The following SH3KBP1 variants were observed in gnomAD, a reference collection of about 807,000 sequenced individuals.
The protein encoded by SH3KBP1 is SH3 domain containing kinase binding protein 1.
Under a neutral mutation model 50.1 loss-of-function variants are expected in SH3KBP1, and 8 were observed. The observed-to-expected ratio is 0.16, with a 90% CI of 0.09 to 0.29. SH3KBP1 has a LOEUF of 0.29. SH3KBP1 is among the 10% of genes least tolerant of loss of function. The probability of loss-of-function intolerance (pLI) is 1.00; values close to 1 mark genes in which losing one functional copy is unlikely to be tolerated. For missense variants in SH3KBP1, 377 were observed against 535.2 expected, an observed-to-expected ratio of 0.70 and a Z score of 2.92; for synonymous variants, 227 against 218.6, an observed-to-expected ratio of 1.04 and a Z score of -0.34.
chrX:19,677,516 C>T (rs1054954857), intron 6 of SH3KBP1, among the ~76,000 whole-genome samples: 1 of 111,737 alleles, frequency 8.9e-6, no homozygotes, highest in African/African-American at 3.3e-5. Context: ...ACTTATGTAT[C>T]CATCTGCCTG....
intron 6 of SH3KBP1, among the ~76,000 whole-genome samples, chrX:19,681,074 T>C (rs5955835): frequency 0.27 from 29,586 of 110,575 alleles, 4,398 homozygotes; most frequent in African/African-American, 0.56. Context: ...ATCAGCAGAA[T>C]GCATCCAGGT....
chrX:19,686,561 G>A (rs1024561442), intron 5 of SH3KBP1, among the ~76,000 whole-genome samples: 2 of 111,077 alleles, frequency 1.8e-5, no homozygotes, highest in Admixed American at 1.9e-4. Context: ...GGCTGGTGGT[G>A]GAGTCATCTA....
intron 4 of SH3KBP1, among the ~76,000 whole-genome samples, chrX:19,697,347 T>C (rs2063441778): frequency 8.9e-6 from 1 of 112,149 alleles, no homozygotes; most frequent in Admixed American, 9.4e-5. Context: ...ATTTTTTCTA[T>C]CCTGAAACTT....
At chrX:19,776,947 C>A (rs2147090210) in intron 2 of SH3KBP1, among the ~76,000 whole-genome samples, 1 of 110,538 alleles carries the variant, frequency 9.0e-6, no homozygotes, top group African/African-American at 3.3e-5. Context: ...TTAAACCAAA[C>A]CACCAACCGC....
chrX:19,877,956 T>C (rs1264363022), intron 1 of SH3KBP1, among the ~76,000 whole-genome samples: 1 of 112,098 alleles, frequency 8.9e-6, no homozygotes, highest in Non-Finnish European at 1.9e-5. Context: ...TCTGGTCTTT[T>C]CTTGCCAACT....
intron 2 of SH3KBP1, among the ~76,000 whole-genome samples, chrX:19,784,901 G>A (rs1211826206): frequency 2.7e-5 from 3 of 111,471 alleles, no homozygotes; most frequent in African/African-American, 3.3e-5. Context: ...GAGCCACCGC[G>A]CCCAGCCTGG....
intron 12 of SH3KBP1, among the ~76,000 whole-genome samples, chrX:19,575,452 C>T (rs2066170011): frequency 9.0e-6 from 1 of 110,588 alleles, no homozygotes; most frequent in Non-Finnish European, 1.9e-5. Flanking sequence ...GAAATAGGAA[C>T]TAATCATCCC....
chrX:19,652,496 T>C (rs1041396066), intron 6 of SH3KBP1, among the ~76,000 whole-genome samples: 2 of 110,914 alleles, frequency 1.8e-5, no homozygotes, highest in African/African-American at 3.3e-5. Flanking sequence ...ACACGCCCCA[T>C]TCTCTTGTTC....
intron 1 of SH3KBP1, among the ~76,000 whole-genome samples, chrX:19,886,619 T>C (rs781392600): frequency 9.8e-5 from 11 of 111,731 alleles, no homozygotes; most frequent in Admixed American, 8.5e-4. Flanking sequence ...TCCCAGACCC[T>C]GAAGACTTAA....
chrX:19,850,804 C>G (rs1336318147), intron 1 of SH3KBP1, among the ~76,000 whole-genome samples: 3 of 110,422 alleles, frequency 2.7e-5, no homozygotes, highest in African/African-American at 9.9e-5. Flanking sequence ...GCATCTCTAT[C>G]TGTACCCGCC....
chrX:19,612,765 C>T lies in SH3KBP1; in HGVS notation c.898-4720G>A, dbSNP rs1466567480. Among the ~76,000 whole-genome samples the T allele has an allele frequency of 6.3e-5, 7 of 111,696 alleles. 1 individual carries two copies. The highest frequency in any genetic ancestry group is 1.3e-4 in the Non-Finnish European group (7 of 53,162). On this transcript the variant is annotated intron_variant, in intron 8 of 17. Coordinates refer to ENST00000397821, the MANE Select transcript of SH3KBP1 (RefSeq NM_031892.3). ...CTCAGAGTCTAGTGGGAGAGGCAGA[C>T]ACAGTGAATCAGAATGGCACAGAAA... is the stretch of plus-strand genomic sequence containing the variant.
At chrX:19,624,985 ACCCTT>A (rs2067968281) in intron 8 of SH3KBP1, among the ~76,000 whole-genome samples, 1 of 111,602 alleles carries the variant, frequency 9.0e-6, no homozygotes, top group Admixed American at 9.5e-5. Flanking sequence ...TTTACTCCTC[ACCCTT>A]GGAACCACAT....
intron 1 of SH3KBP1, among the ~76,000 whole-genome samples, chrX:19,882,171 A>T (rs2069452401): frequency 8.9e-6 from 1 of 111,841 alleles, no homozygotes; most frequent in Non-Finnish European, 1.9e-5. Context: ...AGGGCAGTTG[A>T]CTATGAACAC....
chrX:19,638,235 C>G (rs781649976), intron 7 of SH3KBP1, among the ~76,000 whole-genome samples: 90 of 109,160 alleles, frequency 8.2e-4, no homozygotes, highest in Non-Finnish European at 1.4e-3. Flanking sequence ...ACGGTGAAAC[C>G]CCGTCTCCAC....
At position 19,691,356 on chromosome X, in the gene SH3KBP1, CTA is replaced by C. The variant is rs1258274594; in HGVS notation, c.520+4254_520+4255del. ...TCTCTCTCTCTCTCTCTCTCTCTCT[CTA>C]TATATATATATATCTTTTGAGATTA... On this transcript the variant is annotated intron_variant, in intron 5 of 17. Coordinates refer to ENST00000397821, the MANE Select transcript of SH3KBP1 (RefSeq NM_031892.3). Among the ~76,000 whole-genome samples, 232 of 73,555 alleles carry C rather than the reference CTA, an allele frequency of 3.2e-3. 3 individuals carry two copies. Among genetic ancestry groups the C allele is most frequent in the African/African-American group, 8.9e-3 (166 of 18,659 alleles). The allele number at this position is 73,555 out of a possible 115,157, so 63.9% of individuals were successfully genotyped here. A position where few individuals can be genotyped will look rare whatever the true frequency, so the allele number is the denominator to read the frequency against.
chrX:19,828,322 AG>A lies in SH3KBP1; in HGVS notation c.162+7802del, dbSNP rs2067751936. Among the ~76,000 whole-genome samples the A allele has an allele frequency of 2.8e-5, 3 of 107,648 alleles. No individual in the cohort carries two copies. The South Asian group carries it at 1.2e-3, about 42-fold the overall frequency. The allele number at this position is 107,648 out of a possible 115,157, so 93.5% of individuals were successfully genotyped here. On this transcript the variant is annotated intron_variant, in intron 2 of 17. Coordinates refer to ENST00000397821, the MANE Select transcript of SH3KBP1 (RefSeq NM_031892.3). ...ACTGAGCTTGTTTTGTTATTCTGCTAGTTCCCTCATTAAATAAGTTCAACGA... is the reference window on the plus strand; with the variant it reads ...ACTGAGCTTGTTTTGTTATTCTGCTATTCCCTCATTAAATAAGTTCAACGA...
At chrX:19,668,293 G>A (rs1050926572) in intron 6 of SH3KBP1, among the ~76,000 whole-genome samples, 2 of 109,303 alleles carry the variant, frequency 1.8e-5, no homozygotes, top group Non-Finnish European at 3.8e-5. Context: ...GATCAACTGA[G>A]GTCAGGAGTT....
rs1294206510 is a variant in SH3KBP1, at chrX:19,887,293, C to A, written c.4+14G>T. ...GCTGAAGTGGACGCCCGGACGCGGG[C>A]GGCCCCCACTCACCCATTGGCGTCG... On this transcript the variant is annotated intron_variant, in intron 1 of 17. Coordinates refer to ENST00000397821, the MANE Select transcript of SH3KBP1 (RefSeq NM_031892.3). 1.0e-6 allele frequency: 1 copy of A among 973,449 alleles called. No individual in the cohort carries two copies. The highest frequency in any genetic ancestry group is 1.3e-6 in the Non-Finnish European group (1 of 774,516). The allele number at this position is 973,449 out of a possible 1,213,427, so 80.2% of individuals were successfully genotyped here.
At position 19,546,894 on chromosome X, in the gene SH3KBP1, C is replaced by A. The variant is rs778147288; in HGVS notation, c.1495-844G>T. ...TGAGGCCAGACACAGTGGCTCACGACCGTAATCCCAACACGGGGATTATGA... is the reference window on the plus strand; with the variant it reads ...TGAGGCCAGACACAGTGGCTCACGAACGTAATCCCAACACGGGGATTATGA... On this transcript the variant is annotated intron_variant, in intron 14 of 17. Transcript: ENST00000397821. 1.1e-4 allele frequency among the ~76,000 whole-genome samples: 12 copies of A among 111,686 alleles called. No homozygotes were observed. The South Asian group carries it at 4.5e-3, about 42-fold the overall frequency.
Sources: gnomAD v4.1 joint callset for allele counts (sites outside exome capture counted in the v4.1 genomes callset) on GRCh38, gnomAD v4.1.1 for gene constraint, MANE v1.5 for transcripts, NCBI Gene and HGNC (gene_info 2026-07-23, HGNC 2026-07-21) for gene names.